CCSER1: variants seen among roughly 807,000 people sequenced by gnomAD.
The protein encoded by CCSER1 is serine-rich coiled-coil domain-containing protein 1.
Under a neutral mutation model 82.0 loss-of-function variants are expected in CCSER1, and 41 were observed. The ratio of observed to expected loss-of-function variants is 0.50; its 90% CI spans 0.39 to 0.65. The LOEUF (loss-of-function observed/expected upper bound fraction) is 0.65. Ranked by LOEUF, CCSER1 falls within the 30% of genes least tolerant of loss-of-function variation. The probability of loss-of-function intolerance (pLI) is 0.00; values close to 1 mark genes in which losing one functional copy is unlikely to be tolerated. For missense variants in CCSER1, 1,119 were observed against 1,064.2 expected (o/e 1.05, Z -0.72); for synonymous variants, 414 against 383.9 (o/e 1.08, Z -0.92).
intron 8 of CCSER1, among the ~76,000 whole-genome samples, chr4:90,891,607 C>T (rs1722981042): frequency 6.6e-6 from 1 of 151,878 alleles, no homozygotes; most frequent in Non-Finnish European, 1.5e-5. Context: ...GGTGAGGACT[C>T]CTTTGATATA....
intron 10 of CCSER1, among the ~76,000 whole-genome samples, chr4:91,346,264 C>G (rs1388555652): frequency 2.6e-5 from 4 of 152,144 alleles, no homozygotes; most frequent in Non-Finnish European, 4.4e-5. Context: ...ACCCGCCTAC[C>G]TCAGCCTCCC....
At chr4:90,437,977 A>G (rs1314595469) in intron 4 of CCSER1, among the ~76,000 whole-genome samples, 4 of 152,204 alleles carry the variant, frequency 2.6e-5, no homozygotes, top group Non-Finnish European at 5.9e-5. Context: ...TGCTGGGTTT[A>G]CCACTTAGTA....
chr4:91,184,378 T>C (rs1734330908), intron 10 of CCSER1, among the ~76,000 whole-genome samples: 1 of 152,206 alleles, frequency 6.6e-6, no homozygotes, highest in South Asian at 2.1e-4. Context: ...AAAGAAACAG[T>C]CTTTTAAATC....
intron 9 of CCSER1, among the ~76,000 whole-genome samples, chr4:90,942,177 T>A (rs1341051479): frequency 1.3e-5 from 2 of 152,104 alleles, no homozygotes; most frequent in African/African-American, 4.8e-5. Context: ...CTTAAACTTG[T>A]GAGCTCAAGC....
At chr4:90,849,624 C>T (rs1415157465) in intron 8 of CCSER1, among the ~76,000 whole-genome samples, 2 of 151,638 alleles carry the variant, frequency 1.3e-5, no homozygotes, top group South Asian at 2.1e-4. Context: ...TCCGTCTCTA[C>T]TAAAAATACA....
intron 3 of CCSER1, among the ~76,000 whole-genome samples, chr4:90,385,322 G>A (rs1749858937): frequency 6.6e-6 from 1 of 150,630 alleles, no homozygotes; most frequent in East Asian, 1.9e-4. Flanking sequence ...TTTCATACAG[G>A]TTGTACTAAT....
chr4:90,429,421 C>T (rs1264806030), intron 4 of CCSER1, among the ~76,000 whole-genome samples: 1 of 151,602 alleles, frequency 6.6e-6, no homozygotes, highest in African/African-American at 2.4e-5. Context: ...GAGGAATTTC[C>T]GCATGTAATG....
At chr4:90,200,861 G>A (rs1237419836) in intron 1 of CCSER1, among the ~76,000 whole-genome samples, 1 of 152,010 alleles carries the variant, frequency 6.6e-6, no homozygotes, top group Non-Finnish European at 1.5e-5. Context: ...TATGTACTAT[G>A]TATAATGATG....
At chr4:91,021,114 A>G (rs2150527210) in intron 9 of CCSER1, among the ~76,000 whole-genome samples, 1 of 152,288 alleles carries the variant, frequency 6.6e-6, no homozygotes, top group South Asian at 2.1e-4. Flanking sequence ...AAAATTGGAA[A>G]GGTTGGATTT....
At chr4:90,566,071 T>G (rs865872288) in intron 5 of CCSER1, among the ~76,000 whole-genome samples, 1 of 151,538 alleles carries the variant, frequency 6.6e-6, no homozygotes, top group African/African-American at 2.4e-5. Flanking sequence ...TTAGTCAAGT[T>G]GGTCTCAAAC....
intron 5 of CCSER1, among the ~76,000 whole-genome samples, chr4:90,554,171 G>A (rs1777850351): frequency 2.0e-5 from 3 of 152,020 alleles, no homozygotes; most frequent in Non-Finnish European, 4.4e-5. Flanking sequence ...ACCAGCCTGG[G>A]CAACATAGAA....
intron 1 of CCSER1, among the ~76,000 whole-genome samples, chr4:90,288,192 CTT>C (rs1730254573): frequency 6.6e-6 from 1 of 151,928 alleles, no homozygotes; most frequent in Non-Finnish European, 1.5e-5. Flanking sequence ...GGCTATCTCT[CTT>C]AATTTAGCTC....
intron 1 of CCSER1, among the ~76,000 whole-genome samples, chr4:90,197,568 G>A (rs1736848904): frequency 1.3e-5 from 2 of 152,126 alleles, no homozygotes; most frequent in Non-Finnish European, 2.9e-5. Flanking sequence ...AGGAAATGTG[G>A]TACATATACA....
intron 4 of CCSER1, among the ~76,000 whole-genome samples, chr4:90,460,344 A>C (rs1217357177): frequency 6.8e-6 from 1 of 147,864 alleles, no homozygotes; most frequent in South Asian, 2.1e-4. Context: ...AAAAAAAAAA[A>C]ACTAAGGCAA....
intron 5 of CCSER1, among the ~76,000 whole-genome samples, chr4:90,607,493 C>T (rs1784882289): frequency 6.6e-6 from 1 of 152,110 alleles, no homozygotes; most frequent in Non-Finnish European, 1.5e-5. Context: ...TGCCTCTCCC[C>T]TAGTTCTTGT....
chr4:90,821,650 T>C (rs907743514), intron 8 of CCSER1, among the ~76,000 whole-genome samples: 2 of 152,162 alleles, frequency 1.3e-5, no homozygotes, highest in African/African-American at 4.8e-5. Context: ...AACGTATGCA[T>C]ACTTAATCAT....
At chr4:90,746,015 A>G (rs1254786335) in intron 7 of CCSER1, among the ~76,000 whole-genome samples, 3 of 151,972 alleles carry the variant, frequency 2.0e-5, no homozygotes, top group Non-Finnish European at 4.4e-5. Context: ...TATCTTTGGT[A>G]TATGTTTCCA....
rs572570645 is a variant in CCSER1, at chr4:90,963,375, G to GAT, written c.2172+39936_2172+39937dup. On this transcript the variant is annotated intron_variant, in intron 9 of 10. Transcript: ENST00000509176. ...TAGATGATAGAGATGCAAATATGGA[G>GAT]ATATATATAAACATATATTATGAAA... is the stretch of plus-strand genomic sequence containing the variant. Among the ~76,000 whole-genome samples the GAT allele has an allele frequency of 1.5e-3, 224 of 152,136 alleles. 1 individual carries two copies. Among genetic ancestry groups the GAT allele is most frequent in the Admixed American group, 7.3e-3 (112 of 15,272 alleles).
intron 9 of CCSER1, among the ~76,000 whole-genome samples, chr4:90,928,133 C>G (rs548680151): frequency 2.0e-5 from 3 of 152,062 alleles, no homozygotes; most frequent in East Asian, 3.9e-4. Context: ...TTACTTATCT[C>G]AAATATTTCT....
Sources: allele counts gnomAD v4.1 joint callset (sites outside exome capture counted in the v4.1 genomes callset), GRCh38; gene constraint gnomAD v4.1.1; transcripts MANE v1.5; gene names NCBI Gene and HGNC (gene_info 2026-07-23, HGNC 2026-07-21).